The following TDP2 variants were observed in gnomAD, a reference collection of about 807,000 sequenced individuals.
TDP2 encodes tyrosyl-DNA phosphodiesterase 2.
In TDP2, 38 loss-of-function variants were observed where a neutral mutation model predicts 42.8. The ratio of observed to expected loss-of-function variants is 0.89; its 90% CI spans 0.68 to 1.16. The LOEUF is 1.16. TDP2 is among the 50% of genes most tolerant of loss of function. TDP2 has a pLI of 0.00. For missense variants in TDP2, 439 were observed against 439.3 expected, an observed-to-expected ratio of 1.00 and a Z score of 0.01; for synonymous variants, 173 against 150.6, an observed-to-expected ratio of 1.15 and a Z score of -1.09.
Position 24,661,842 on chromosome 6 carries a change from G to C in TDP2, c.252-3108C>G, listed in dbSNP as rs547768787. 3.3e-5 allele frequency among the ~76,000 whole-genome samples: 5 copies of C among 152,174 alleles called. No individual in the cohort carries two copies. The South Asian group carries it at 1.0e-3, about 32-fold the overall frequency. On this transcript the variant is annotated intron_variant, in intron 2 of 6. Coordinates refer to ENST00000378198, the MANE Select transcript of TDP2 (RefSeq NM_016614.3). ...CTGTGGGGGAAAGAGAGATCAGACT[G>C]TTACTGTGTCTATGTAGAAAGAGGA...
In TDP2 at chr6:24,658,728, G is replaced by A. The variant is rs775911404; in HGVS notation, c.258C>T (p.Asp86=). The change falls in exon 3 of 7, where the codon GAC becomes GAT. Residue 86 remains aspartate, a synonymous_variant. Transcript: ENST00000378198. Reference sequence around the variant, plus strand: ...AATCAGTTGTTTCTTCATTGGTTAGGTCAACACTGGCAAGATCAGAATAAA... The same window carrying A: ...AATCAGTTGTTTCTTCATTGGTTAGATCAACACTGGCAAGATCAGAATAAA... ...ETISEPKTYV[D]LTNEETTDST... 1 of 1,612,776 alleles carries A rather than the reference G, an allele frequency of 6.2e-7. No individual in the cohort carries two copies. Among genetic ancestry groups the A allele is most frequent in the South Asian group, 1.1e-5 (1 of 90,854 alleles).
rs1777956886 is a variant in TDP2, at chr6:24,650,671, T to C, written c.*117A>G. 2 of 959,154 alleles carry C rather than the reference T, an allele frequency of 2.1e-6. No homozygotes were observed. The highest frequency in any genetic ancestry group is 3.1e-6 in the Non-Finnish European group (2 of 647,876). 59.4% of individuals were successfully genotyped at this position (959,154 alleles called of 1,614,324 possible). A position where few individuals can be genotyped will look rare whatever the true frequency, so the allele number is the denominator to read the frequency against. On this transcript the variant is annotated 3_prime_UTR_variant, in exon 7 of 7. Transcript: ENST00000378198. ...CTGAAAACACAACCATAAATCATAGTTGGTTTTTCTGTGACAATGATCTAG... is the reference window on the plus strand; with the variant it reads ...CTGAAAACACAACCATAAATCATAGCTGGTTTTTCTGTGACAATGATCTAG...
Position 24,650,976 on chromosome 6 carries a change from T to C in TDP2, c.901A>G (p.Met301Val), listed in dbSNP as rs1465620409. The C allele has an allele frequency of 1.9e-5, 30 of 1,614,066 alleles. No homozygotes were observed. The East Asian group carries it at 5.8e-4, about 31-fold the overall frequency. The change falls in exon 7 of 7, where the codon ATG (methionine) becomes GTG (valine). Residue 301 changes from methionine (M) to valine (V), a missense_variant. By Grantham distance (21) the Met-to-Val change is conservative. Transcript: ENST00000378198. ...KHCQYTWDTQ[M>V]NSNLGITAAC... ...GCAGTTATTCCAAGATTAGAGTTCA[T>C]TTGTGTATCCCATGTATACTGGCAA...
At position 24,650,723 on chromosome 6, in the gene TDP2, A is replaced by G; in HGVS notation, c.*65T>C. ...ACATTATTTCCTCCACAGCAAACCT[A>G]CCTTTCCAGAAGGTGGAAATTGTAT... On this transcript the variant is annotated 3_prime_UTR_variant, in exon 7 of 7. Transcript: ENST00000378198. 1.3e-6 allele frequency: 2 copies of G among 1,524,768 alleles called. No individual in the cohort carries two copies. The highest frequency in any genetic ancestry group is 1.8e-6 in the Non-Finnish European group (2 of 1,116,052). The allele number at this position is 1,524,768 out of a possible 1,614,324, so 94.5% of individuals were successfully genotyped here. A position where few individuals can be genotyped will look rare whatever the true frequency, so the allele number is the denominator to read the frequency against.
chr6:24,659,258 G>C (rs561270038), intron 2 of TDP2: 1 of 152,340 alleles, frequency 6.6e-6, no homozygotes, highest in African/African-American at 2.4e-5. Context: ...AACTTCTCAA[G>C]GAGAATCTGA....
At chr6:24,662,776 G>T (rs543684016) in intron 2 of TDP2, among the ~76,000 whole-genome samples, 15 of 152,302 alleles carry the variant, frequency 9.8e-5, no homozygotes, top group Admixed American at 9.8e-4. Flanking sequence ...AGGTGTGGAG[G>T]GGCTGGCCCC....
Position 24,658,380 on chromosome 6 carries a change from G to A in TDP2, c.425+181C>T, listed in dbSNP as rs182749466. Reference sequence around the variant, plus strand: ...ACTAAAAGGCTTCTAACGAAAATTAGTGTTCCCTCTTTGCTGCAGCCTGCA... The same window carrying A: ...ACTAAAAGGCTTCTAACGAAAATTAATGTTCCCTCTTTGCTGCAGCCTGCA... On this transcript the variant is annotated intron_variant, in intron 3 of 6. Coordinates refer to ENST00000378198, the MANE Select transcript of TDP2 (RefSeq NM_016614.3). Among the ~76,000 whole-genome samples, 3 of 152,310 alleles carry A rather than the reference G, an allele frequency of 2.0e-5. No homozygotes were observed. The East Asian group carries it at 5.8e-4, about 29-fold the overall frequency.
chr6:24,662,658 C>T (rs943775453), intron 2 of TDP2, among the ~76,000 whole-genome samples: 1 of 152,018 alleles, frequency 6.6e-6, no homozygotes, highest in Non-Finnish European at 1.5e-5. Context: ...GCAGATCCTC[C>T]GTATGCTAAG....
chr6:24,650,016 G>A lies in TDP2; in HGVS notation c.*772C>T, dbSNP rs1777944714. The A allele has an allele frequency of 6.6e-6, 1 of 152,010 alleles. No homozygotes were observed. The highest frequency in any genetic ancestry group is 6.6e-5 in the Admixed American group (1 of 15,264). 9.4% of individuals were successfully genotyped at this position (152,010 alleles called of 1,614,324 possible). ...TCTTTATTTAAATTTCTCTTGTGGG[G>A]AAAATATTTTTCTTTAAAGCACACT... On this transcript the variant is annotated 3_prime_UTR_variant, in exon 7 of 7. Coordinates refer to ENST00000378198, the MANE Select transcript of TDP2 (RefSeq NM_016614.3).
intron 6 of TDP2, 105 bp from the exon 7 acceptor site, chr6:24,651,174 T>C: frequency 1.1e-6 from 1 of 891,834 alleles, no homozygotes. Flanking sequence ...AAGAAATTAT[T>C]AATGCAGAAA....
chr6:24,663,403 T>C (rs1290606140), intron 2 of TDP2, among the ~76,000 whole-genome samples: 2 of 152,260 alleles, frequency 1.3e-5, no homozygotes, highest in Non-Finnish European at 2.9e-5. Flanking sequence ...CTTTGCATTT[T>C]GGCTCCAGAG....
intron 2 of TDP2, among the ~76,000 whole-genome samples, chr6:24,664,545 ATTT>A (rs1328026602): frequency 6.6e-6 from 1 of 152,086 alleles, no homozygotes; most frequent in Non-Finnish European, 1.5e-5. Flanking sequence ...TTCAATTTCA[ATTT>A]TTGTTGATAT....
intron 2 of TDP2, 108 bp downstream of exon 2, chr6:24,666,418 T>C: frequency 1.4e-6 from 2 of 1,442,078 alleles, no homozygotes; most frequent in Non-Finnish European, 1.9e-6. Context: ...CTTGGAGATC[T>C]GCCTCAGCAT....
chr6:24,652,267 C>T (rs1777986728), intron 6 of TDP2, among the ~76,000 whole-genome samples: 1 of 152,168 alleles, frequency 6.6e-6, no homozygotes, highest in Admixed American at 6.5e-5. Context: ...ATTCATCTGT[C>T]AGTGATATTT....
chr6:24,656,450 G>A (rs1397862452), intron 4 of TDP2, among the ~76,000 whole-genome samples: 1 of 151,978 alleles, frequency 6.6e-6, no homozygotes, highest in African/African-American at 2.4e-5. Flanking sequence ...GGAGAGGCGA[G>A]GGGAATGGTG....
chr6:24,665,939 C>A, intron 2 of TDP2: 1 of 698,844 alleles, frequency 1.4e-6, no homozygotes, highest in Non-Finnish European at 2.0e-6. Flanking sequence ...GAAAATGACC[C>A]GTTGGAAAAA....
chr6:24,662,526 G>A (rs1371973840), intron 2 of TDP2, among the ~76,000 whole-genome samples: 1 of 151,986 alleles, frequency 6.6e-6, no homozygotes. Flanking sequence ...TTATGACACA[G>A]AGTCCTTTGC....
chr6:24,659,500 T>TA (rs1231210092), intron 2 of TDP2, among the ~76,000 whole-genome samples: 1 of 146,520 alleles, frequency 6.8e-6, no homozygotes, highest in East Asian at 1.9e-4. Flanking sequence ...GGTTCGTAGA[T>TA]AGATTCTTAC....
chr6:24,653,320 AACCCTGT>A (rs1778003363), intron 5 of TDP2, among the ~76,000 whole-genome samples, 167 bp from the exon 6 acceptor site: 1 of 152,224 alleles, frequency 6.6e-6, no homozygotes, highest in African/African-American at 2.4e-5. Flanking sequence ...TTAAAGCAGT[AACCCTGT>A]CCCCAAAGAC....
Sources: allele counts gnomAD v4.1 joint callset (sites outside exome capture counted in the v4.1 genomes callset), GRCh38; gene constraint gnomAD v4.1.1; transcripts MANE v1.5; gene names NCBI Gene and HGNC (gene_info 2026-07-23, HGNC 2026-07-21).